ROBO1: variants seen among roughly 807,000 people sequenced by gnomAD.
The protein encoded by ROBO1 is roundabout homolog 1.
ROBO1 carries 149 observed loss-of-function variants against 195.9 expected under a neutral mutation model. The observed-to-expected ratio is 0.76, with a 90% CI of 0.67 to 0.87. The LOEUF is 0.87. ROBO1 is among the 40% of genes least tolerant of loss of function. The pLI is 0.00. For synonymous variants in ROBO1, 816 were observed against 733.2 expected (o/e 1.11, Z -1.82); for missense variants, 1,933 against 2,068.3 (o/e 0.93, Z 1.27).
chr3:78,627,657 T>A lies in ROBO1; in HGVS notation c.3627-88A>T, dbSNP rs1242147716. ...GTAATGAAATGTCACCTTTAAATTG[T>A]TTTTCAAATCTGAACGTTCTCAGTC... On this transcript the variant is annotated intron_variant, in intron 25 of 30. Coordinates refer to ENST00000464233, the MANE Select transcript of ROBO1 (RefSeq NM_002941.4). 4 of 1,380,018 alleles carry A rather than the reference T, an allele frequency of 2.9e-6. No individual in the cohort carries two copies. The African/African-American group carries it at 5.8e-5, about 20-fold the overall frequency. 85.5% of individuals were successfully genotyped at this position (1,380,018 alleles called of 1,614,324 possible).
chr3:78,729,849 T>C (rs112786077), intron 5 of ROBO1, among the ~76,000 whole-genome samples: 131 of 152,348 alleles, frequency 8.6e-4, no homozygotes, highest in African/African-American at 2.7e-3. Flanking sequence ...AAAAATTGAT[T>C]TAGCTTATAG....
At chr3:79,227,697 C>T (rs993271817) in intron 2 of ROBO1, among the ~76,000 whole-genome samples, 1 of 152,138 alleles carries the variant, frequency 6.6e-6, no homozygotes, top group African/African-American at 2.4e-5. Flanking sequence ...TCTAAGCTAC[C>T]ATTATCTTTA....
chr3:79,261,063 T>C (rs894937991), intron 2 of ROBO1, among the ~76,000 whole-genome samples: 4 of 152,094 alleles, frequency 2.6e-5, no homozygotes, highest in Admixed American at 6.6e-5. Context: ...CAAGTGATGT[T>C]ATAAAGAGTG....
chr3:78,885,794 C>T (rs962842322), intron 4 of ROBO1, among the ~76,000 whole-genome samples: 2 of 150,890 alleles, frequency 1.3e-5, no homozygotes, highest in African/African-American at 4.9e-5. Context: ...GACTGTAAAT[C>T]CTACATGGAC....
At chr3:79,723,021 A>G (rs1427341699) in intron 1 of ROBO1, among the ~76,000 whole-genome samples, 3 of 152,206 alleles carry the variant, frequency 2.0e-5, no homozygotes, top group Non-Finnish European at 1.5e-5. Flanking sequence ...TGCTAAATAG[A>G]TAATGTTTAA....
chr3:79,748,751 C>G (rs1297270320), intron 1 of ROBO1, among the ~76,000 whole-genome samples: 1 of 152,086 alleles, frequency 6.6e-6, no homozygotes, highest in Admixed American at 6.6e-5. Flanking sequence ...AGGAGTTTGC[C>G]TGCACGAGCT....
chr3:78,766,696 C>CCT (rs1222328915), intron 4 of ROBO1, among the ~76,000 whole-genome samples: 4 of 152,096 alleles, frequency 2.6e-5, no homozygotes, highest in Non-Finnish European at 5.9e-5. Context: ...GTCTTGTTCC[C>CCT]GTTCTCATAG....
chr3:79,661,453 C>T (rs1438198288), intron 1 of ROBO1, among the ~76,000 whole-genome samples: 1 of 152,044 alleles, frequency 6.6e-6, no homozygotes, highest in Admixed American at 6.6e-5. Context: ...ATGATTAAAA[C>T]CCAAGAGTTC....
intron 2 of ROBO1, among the ~76,000 whole-genome samples, chr3:79,228,465 T>G (rs899053011): frequency 3.3e-5 from 5 of 152,166 alleles, no homozygotes; most frequent in African/African-American, 4.8e-5. Context: ...GACAGTATAT[T>G]TGGAACATTC....
intron 2 of ROBO1, among the ~76,000 whole-genome samples, chr3:79,221,255 T>C (rs572993365): frequency 7.9e-5 from 12 of 152,218 alleles, no homozygotes; most frequent in African/African-American, 2.4e-4. Flanking sequence ...CTACATTATA[T>C]ACATCATCAT....
At chr3:79,694,933 T>A (rs1441898972) in intron 1 of ROBO1, among the ~76,000 whole-genome samples, 1 of 151,676 alleles carries the variant, frequency 6.6e-6, no homozygotes, top group Non-Finnish European at 1.5e-5. Context: ...ATTTTGATTC[T>A]AGGATTCTCT....
intron 2 of ROBO1, among the ~76,000 whole-genome samples, chr3:79,559,871 C>T (rs866189684): frequency 2.0e-5 from 3 of 151,890 alleles, no homozygotes; most frequent in Admixed American, 1.3e-4. Flanking sequence ...GAGCTGAGAT[C>T]GTACCATTGC....
intron 3 of ROBO1, among the ~76,000 whole-genome samples, chr3:79,095,637 T>C (rs2108498902): frequency 6.6e-6 from 1 of 152,240 alleles, no homozygotes; most frequent in East Asian, 1.9e-4. Context: ...CTATGTAAGA[T>C]AATAAATAAT....
At chr3:79,658,241 T>G (rs1445894865) in intron 1 of ROBO1, among the ~76,000 whole-genome samples, 1 of 152,114 alleles carries the variant, frequency 6.6e-6, no homozygotes, top group Non-Finnish European at 1.5e-5. Flanking sequence ...ATGTCAGTGG[T>G]GGAATGACTA....
At chr3:78,627,661 T>C (rs913806288) in intron 25 of ROBO1, 92 bp from the exon 26 acceptor site, 105 of 1,360,968 alleles carry the variant, frequency 7.7e-5, no homozygotes, top group Non-Finnish European at 1.0e-4. Flanking sequence ...AAATTGTTTT[T>C]CAAATCTGAA....
chr3:79,098,015 G>A (rs573860972), intron 3 of ROBO1, among the ~76,000 whole-genome samples: 4 of 151,534 alleles, frequency 2.6e-5, no homozygotes, highest in Non-Finnish European at 5.9e-5. Flanking sequence ...CTTTCCCTCA[G>A]TATACTTATA....
intron 4 of ROBO1, among the ~76,000 whole-genome samples, chr3:78,769,580 A>G (rs1451868680): frequency 8.2e-6 from 1 of 122,502 alleles, no homozygotes; most frequent in Non-Finnish European, 1.7e-5. Context: ...GTGAGGTGCC[A>G]TTGCTTTCAT....
At chr3:78,950,529 G>T (rs2040718408) in intron 3 of ROBO1, among the ~76,000 whole-genome samples, 1 of 95,708 alleles carries the variant, frequency 1.0e-5, no homozygotes, top group Admixed American at 1.6e-4. Flanking sequence ...GGGGAGGGGG[G>T]AGGGATAAGC....
intron 1 of ROBO1, among the ~76,000 whole-genome samples, chr3:79,624,853 T>C (rs1461850413): frequency 1.2e-4 from 18 of 152,196 alleles, no homozygotes; most frequent in Admixed American, 1.2e-3. Flanking sequence ...GTGGACCTGG[T>C]AGACATCTAC....
Sources: gnomAD v4.1 joint callset for allele counts (sites outside exome capture counted in the v4.1 genomes callset) on GRCh38, gnomAD v4.1.1 for gene constraint, MANE v1.5 for transcripts, NCBI Gene and HGNC (gene_info 2026-07-23, HGNC 2026-07-21) for gene names.